Variants in TUBB2B observed in about 807,000 individuals in gnomAD.
TUBB2B encodes tubulin beta 2B class IIb.
A neutral mutation model predicts 35.0 loss-of-function variants in TUBB2B; 5 were observed. The observed-to-expected ratio is 0.14, with a 90% CI of 0.07 to 0.30. The LOEUF (loss-of-function observed/expected upper bound fraction) is 0.30, where lower values mean the gene tolerates loss of function less well. Ranked by LOEUF, TUBB2B falls within the 10% of genes least tolerant of loss-of-function variation. The probability of loss-of-function intolerance (pLI) is 1.00; values close to 1 mark genes in which losing one functional copy is unlikely to be tolerated. For missense variants in TUBB2B, 63 were observed against 601.8 expected, an observed-to-expected ratio of 0.10 and a Z score of 9.37; for synonymous variants, 166 against 250.5, an observed-to-expected ratio of 0.66 and a Z score of 3.18.
Position 3,224,758 on chromosome 6 carries a change from T to C in TUBB2B, c.1331A>G (p.Glu444Gly). ...CCCGTCTCGCGGGGGCATCTACGCCTCGTCCTCGCCCTCCTCCTCCTCGAA... is the reference window on the plus strand; with the variant it reads ...CCCGTCTCGCGGGGGCATCTACGCCCCGTCCTCGCCCTCCTCCTCCTCGAA... Reference protein sequence around the residue: ...GEFEEEEGEDEA With the variant: ...GEFEEEEGEDGA Residue 444 changes from glutamate to glycine, a missense_variant, in exon 4 of 4, where the codon GAG (glutamate) becomes GGG (glycine). Physicochemically the swap from Glu to Gly is moderately conservative, Grantham distance 98 (BLOSUM62 -2). Coordinates refer to ENST00000259818, the MANE Select transcript of TUBB2B (RefSeq NM_178012.5). The C allele has an allele frequency of 6.2e-7, 1 of 1,613,904 alleles. No homozygotes were observed. Among genetic ancestry groups the C allele is most frequent in the Non-Finnish European group, 8.5e-7 (1 of 1,179,978 alleles).
In TUBB2B at chr6:3,227,100, C is replaced by T. The variant is rs2113820127; in HGVS notation, c.57+387G>A. ...CTGAGACCGCAAGACAATCGCTCTC[C>T]TCCCCTCCCCCGGCAGCTCGACTCC... On this transcript the variant is annotated intron_variant, in intron 1 of 3. Transcript: ENST00000259818. The surrounding 1 kb of genome is among the most constrained non-coding windows in gnomAD (Gnocchi z 7.8). 6.6e-6 allele frequency among the ~76,000 whole-genome samples: 1 copy of T among 152,308 alleles called. No individual in the cohort carries two copies. The highest frequency in any genetic ancestry group is 2.1e-4 in the South Asian group (1 of 4,826).
chr6:3,225,928 C>T (rs112714520), intron 3 of TUBB2B, 117 bp from the exon 4 acceptor site: 131 of 1,510,762 alleles, frequency 8.7e-5, no homozygotes, highest in African/African-American at 4.6e-4. Context: ...CAGATTATCA[C>T]CAAAATGGCC....
chr6:3,225,558 G>A lies in TUBB2B; in HGVS notation c.531C>T (p.Asp177=), dbSNP rs1757277640. 2.5e-6 allele frequency: 4 copies of A among 1,614,080 alleles called. No homozygotes were observed. The South Asian group carries it at 4.4e-5, about 18-fold the overall frequency. The change falls in exon 4 of 4, where the codon GAC becomes GAT. Residue 177 remains aspartate (D), a synonymous_variant. Coordinates refer to ENST00000259818, the MANE Select transcript of TUBB2B (RefSeq NM_178012.5). ...TGGCGTTGTAGGGCTCCACCACCGTGTCTGACACCTTGGGTGAGGGCATGA... is the reference window on the plus strand; with the variant it reads ...TGGCGTTGTAGGGCTCCACCACCGTATCTGACACCTTGGGTGAGGGCATGA... ...FSVMPSPKVS[D]TVVEPYNATL...
Position 3,224,692 on chromosome 6 carries a change from A to G in TUBB2B, c.*59T>C. On this transcript the variant is annotated 3_prime_UTR_variant, in exon 4 of 4. Coordinates refer to ENST00000259818, the MANE Select transcript of TUBB2B (RefSeq NM_178012.5). The stretch of plus-strand genomic sequence containing the variant: ...TCCACTGCCAGGTTATCGTCCCGGG[A>G]AGCCCCCCACCCCCTCGCTTTCCTC... 4 of 1,605,128 alleles carry G rather than the reference A, an allele frequency of 2.5e-6. No individual in the cohort carries two copies. In the South Asian group the frequency reaches 3.3e-5, roughly 13 times the overall value.
Position 3,226,516 on chromosome 6 carries a change from AGGT to A in TUBB2B, c.166+42_166+44del. The stretch of plus-strand genomic sequence containing the variant: ...GGTCCCACGCAAGGGAAAGGGGAGA[AGGT>A]GGAAAAACTGAAGGGAGTGGGGGTG... On this transcript the variant is annotated intron_variant, in intron 2 of 3. Coordinates refer to ENST00000259818, the MANE Select transcript of TUBB2B (RefSeq NM_178012.5). The surrounding 1 kb of genome is among the most constrained non-coding windows in gnomAD (Gnocchi z 5.5). 1 of 1,553,806 alleles carries A rather than the reference AGGT, an allele frequency of 6.4e-7. No homozygotes were observed. The highest frequency in any genetic ancestry group is 1.1e-5 in the South Asian group (1 of 89,940).
Position 3,227,639 on chromosome 6 carries a change from A to G in TUBB2B, c.-96T>C. 1 of 1,541,310 alleles carries G rather than the reference A, an allele frequency of 6.5e-7. No homozygotes were observed. ...CGGGGTCACCGGGAAGGCGCTCGGG[A>G]ACCGACGGGCTGAGAGCGCCGGCCC... is the stretch of plus-strand genomic sequence containing the variant. On this transcript the variant is annotated 5_prime_UTR_variant, in exon 1 of 4. Transcript: ENST00000259818. This position sits in a 1 kb window ranked among gnomAD's most constrained non-coding sequence, Gnocchi z 7.8.
In TUBB2B at chr6:3,226,634, G is replaced by T. The variant is rs1459863771; in HGVS notation, c.93C>A (p.Asp31Glu). Residue 31 changes from aspartate to glutamate, a missense_variant, in exon 2 of 4, where the codon GAC becomes GAA. Coordinates refer to ENST00000259818, the MANE Select transcript of TUBB2B (RefSeq NM_178012.5). The surrounding 1 kb of genome is among the most constrained non-coding windows in gnomAD (Gnocchi z 5.5). ...WEVISDEHGI[D>E]PTGSYHGDSD... ...TGTCTCCATGGTAACTGCCAGTGGG[G>T]TCAATCCCATGCTCATCACTGATGA... 6.2e-7 allele frequency: 1 copy of T among 1,614,172 alleles called. No homozygotes were observed. Among genetic ancestry groups the T allele is most frequent in the Admixed American group, 1.7e-5 (1 of 60,030 alleles).
chr6:3,225,660 C>T lies in TUBB2B; in HGVS notation c.429G>A (p.Thr143=), dbSNP rs371966145. ...FQLTHSLGGG[T]GSGMGTLLIS... is the part of the protein sequence containing the mutation. Reference sequence around the variant, plus strand: ...TGAGCAGGGTGCCCATCCCGGACCCCGTGCCGCCCCCCAGAGAGTGGGTCA... The same window carrying T: ...TGAGCAGGGTGCCCATCCCGGACCCTGTGCCGCCCCCCAGAGAGTGGGTCA... The change falls in exon 4 of 4, where the codon ACG becomes ACA. Residue 143 remains threonine, a synonymous_variant. Transcript: ENST00000259818. 1.9e-5 allele frequency: 31 copies of T among 1,601,636 alleles called. No individual in the cohort carries two copies. Among genetic ancestry groups the T allele is most frequent in the Admixed American group, 1.7e-4 (10 of 57,882 alleles).
Position 3,225,030 on chromosome 6 carries a change from C to T in TUBB2B, c.1059G>A (p.Val353=), listed in dbSNP as rs1038712479. 8.9e-7 allele frequency: 1 copy of T among 1,126,122 alleles called. No individual in the cohort carries two copies. Among genetic ancestry groups the T allele is most frequent in the Non-Finnish European group, 1.2e-6 (1 of 815,346 alleles). The allele number at this position is 1,126,122 out of a possible 1,614,324, so 69.8% of individuals were successfully genotyped here. Residue 353 remains valine, a synonymous_variant, in exon 4 of 4, where the codon GTG becomes GTA. Coordinates refer to ENST00000259818, the MANE Select transcript of TUBB2B (RefSeq NM_178012.5). The stretch of plus-strand genomic sequence containing the variant: ...TCAGGCCGCGGGGCGGGATGTCGCA[C>T]ACGGCCGTCTTCACGTTGTTGGGGA... ...EWIPNNVKTA[V]CDIPPRGLKM...
chr6:3,224,517 G>T lies in TUBB2B; in HGVS notation c.*234C>A. 1.6e-6 allele frequency: 1 copy of T among 644,700 alleles called. No individual in the cohort carries two copies. The highest frequency in any genetic ancestry group is 2.6e-6 in the Non-Finnish European group (1 of 380,740). The allele number at this position is 644,700 out of a possible 1,614,324, so 39.9% of individuals were successfully genotyped here. ...ACCATTCCGACACAAACGTTTATGT[G>T]ATTTTAGCCATTACAACAGTAATTC... On this transcript the variant is annotated 3_prime_UTR_variant, in exon 4 of 4. Coordinates refer to ENST00000259818, the MANE Select transcript of TUBB2B (RefSeq NM_178012.5).
chr6:3,227,240 C>G lies in TUBB2B; in HGVS notation c.57+247G>C, dbSNP rs1166389827. Among the ~76,000 whole-genome samples the G allele has an allele frequency of 6.6e-6, 1 of 152,128 alleles. No homozygotes were observed. Among genetic ancestry groups the G allele is most frequent in the Non-Finnish European group, 1.5e-5 (1 of 68,010 alleles). On this transcript the variant is annotated intron_variant, in intron 1 of 3. Coordinates refer to ENST00000259818, the MANE Select transcript of TUBB2B (RefSeq NM_178012.5). This position sits in a 1 kb window ranked among gnomAD's most constrained non-coding sequence, Gnocchi z 7.8. ...CCAGGCACGCGTGCCTGCCAAGCAG[C>G]CAGCGCGGAGGGAGGCCGAGGGGGT...
At position 3,224,706 on chromosome 6, in the gene TUBB2B, C is replaced by A. The variant is rs775995319; in HGVS notation, c.*45G>T. The A allele has an allele frequency of 3.2e-5, 52 of 1,610,662 alleles. No individual in the cohort carries two copies. Among genetic ancestry groups the A allele is most frequent in the Non-Finnish European group, 4.3e-5 (51 of 1,177,610 alleles). ...ATCGTCCCGGGAAGCCCCCCACCCC[C>A]TCGCTTTCCTCCTCCGCTTTCCCTA... On this transcript the variant is annotated 3_prime_UTR_variant, in exon 4 of 4. Transcript: ENST00000259818.
In TUBB2B at chr6:3,226,705, GC is replaced by G; in HGVS notation, c.58-37del. 2 of 1,552,218 alleles carry G rather than the reference GC, an allele frequency of 1.3e-6. No homozygotes were observed. The highest frequency in any genetic ancestry group is 2.7e-5 in the African/African-American group (2 of 73,852). On this transcript the variant is annotated intron_variant, in intron 1 of 3. Transcript: ENST00000259818. This position sits in a 1 kb window ranked among gnomAD's most constrained non-coding sequence, Gnocchi z 5.5. ...AAGGCTGCATTTAGCCATGAACGAT[GC>G]CCCCAGAAACGCCAAGGCTCACAAT...
chr6:3,226,297 C>G lies in TUBB2B; in HGVS notation c.167-28G>C. On this transcript the variant is annotated intron_variant, in intron 2 of 3. Coordinates refer to ENST00000259818, the MANE Select transcript of TUBB2B (RefSeq NM_178012.5). This position sits in a 1 kb window ranked among gnomAD's most constrained non-coding sequence, Gnocchi z 5.5. ...GCAAGGAACAACAGTGACTTAGACC[C>G]TCAGGCAAGGACCTCTGCAGAGAAG... 1 of 1,595,496 alleles carries G rather than the reference C, an allele frequency of 6.3e-7. No homozygotes were observed. The highest frequency in any genetic ancestry group is 8.6e-7 in the Non-Finnish European group (1 of 1,163,812).
rs1458870541 is a variant in TUBB2B, at chr6:3,227,277, C to G, written c.57+210G>C. Among the ~76,000 whole-genome samples the G allele has an allele frequency of 6.6e-6, 1 of 152,100 alleles. No individual in the cohort carries two copies. The highest frequency in any genetic ancestry group is 6.5e-5 in the Admixed American group (1 of 15,286). Reference sequence around the variant, plus strand: ...GAGGCCGAGGGGGTGACGGGGACTCCAAATGAGTTACAGCAGAAAGAAAGA... The same window carrying G: ...GAGGCCGAGGGGGTGACGGGGACTCGAAATGAGTTACAGCAGAAAGAAAGA... On this transcript the variant is annotated intron_variant, in intron 1 of 3. Transcript: ENST00000259818. This position sits in a 1 kb window ranked among gnomAD's most constrained non-coding sequence, Gnocchi z 7.8.
At position 3,226,617 on chromosome 6, in the gene TUBB2B, TG is replaced by T; in HGVS notation, c.109del (p.His37MetfsTer84). The T allele has an allele frequency of 6.2e-7, 1 of 1,614,196 alleles. No homozygotes were observed. The highest frequency in any genetic ancestry group is 8.5e-7 in the Non-Finnish European group (1 of 1,180,032). ...EHGIDPTGSY[H>X]GDSDLQLERI... Reference sequence around the variant, plus strand: ...CTCCAGCTGCAAATCACTGTCTCCATGGTAACTGCCAGTGGGGTCAATCCCA... The same window carrying T: ...CTCCAGCTGCAAATCACTGTCTCCATGTAACTGCCAGTGGGGTCAATCCCA... On this transcript the variant is annotated frameshift_variant, in exon 2 of 4. Transcript: ENST00000259818. LOFTEE classifies it high-confidence loss of function. This position sits in a 1 kb window ranked among gnomAD's most constrained non-coding sequence, Gnocchi z 5.5.
rs1338807403 is a variant in TUBB2B at position 3,226,706 on chromosome 6, C to G, written c.58-37G>C. 5 of 1,525,770 alleles carry G rather than the reference C, an allele frequency of 3.3e-6. No individual in the cohort carries two copies. The Admixed American group carries it at 8.3e-5, about 25-fold the overall frequency. 94.5% of individuals were successfully genotyped at this position (1,525,770 alleles called of 1,614,324 possible). On this transcript the variant is annotated intron_variant, in intron 1 of 3. Transcript: ENST00000259818. This position sits in a 1 kb window ranked among gnomAD's most constrained non-coding sequence, Gnocchi z 5.5. The stretch of plus-strand genomic sequence containing the variant: ...AGGCTGCATTTAGCCATGAACGATG[C>G]CCCCAGAAACGCCAAGGCTCACAAT...
rs1330777065 is a variant in TUBB2B, at chr6:3,226,034, A to G, written c.277+125T>C. On this transcript the variant is annotated intron_variant, in intron 3 of 3. Coordinates refer to ENST00000259818, the MANE Select transcript of TUBB2B (RefSeq NM_178012.5). The surrounding 1 kb of genome is among the most constrained non-coding windows in gnomAD (Gnocchi z 5.5). ...TGAAAGGCAAACAATTTTACACTAT[A>G]TTAAAGCTAAGTTGGCACACCGCGG... is the stretch of plus-strand genomic sequence containing the variant. 1.5e-6 allele frequency: 2 copies of G among 1,327,518 alleles called. No individual in the cohort carries two copies. Among genetic ancestry groups the G allele is most frequent in the Non-Finnish European group, 2.1e-6 (2 of 938,896 alleles). The allele number at this position is 1,327,518 out of a possible 1,614,324, so 82.2% of individuals were successfully genotyped here. A position where few individuals can be genotyped will look rare whatever the true frequency, so the allele number is the denominator to read the frequency against.
chr6:3,226,190 G>A lies in TUBB2B; in HGVS notation c.246C>T (p.Gly82=). The change falls in exon 3 of 4, where the codon GGC becomes GGT. Residue 82 remains glycine (G), a synonymous_variant. Transcript: ENST00000259818. The surrounding 1 kb of genome is among the most constrained non-coding windows in gnomAD (Gnocchi z 5.5). ...TMDSVRSGPF[G]QIFRPDNFVF... ...CGAAATTGTCTGGTCTGAAGATCTG[G>A]CCGAATGGTCCAGACCTAACCGAAT... 4 of 1,614,076 alleles carry A rather than the reference G, an allele frequency of 2.5e-6. No homozygotes were observed. The South Asian group carries it at 4.4e-5, about 18-fold the overall frequency.
Sources: gnomAD v4.1 joint callset for allele counts (sites outside exome capture counted in the v4.1 genomes callset) on GRCh38, gnomAD v4.1.1 for gene constraint, Gnocchi (gnomAD v3.1) non-coding constraint, MANE v1.5 for transcripts, NCBI Gene and HGNC (gene_info 2026-07-23, HGNC 2026-07-21) for gene names.